Variants in NBAS observed in about 807,000 individuals in gnomAD.
NBAS encodes NBAS subunit of NRZ tethering complex, also known as NAG/BC035112 fusion.
A neutral mutation model predicts 302.5 loss-of-function variants in NBAS; 219 were observed. The observed-to-expected ratio is 0.72, with a 90% CI of 0.65 to 0.81. The LOEUF (loss-of-function observed/expected upper bound fraction) is 0.81, where lower values mean the gene tolerates loss of function less well. Ranked by LOEUF, NBAS falls within the 30% of genes least tolerant of loss-of-function variation. The probability of loss-of-function intolerance (pLI) is 0.00; values close to 1 mark genes in which losing one functional copy is unlikely to be tolerated. For missense variants in NBAS, 2,932 were observed against 2,841.6 expected (o/e 1.03, Z -0.72); for synonymous variants, 1,118 against 1,021.6 (o/e 1.09, Z -1.80).
At chr2:14,795,028 T>G in the NBAS span, among the ~76,000 whole-genome samples, 2 of 152,198 alleles carry the variant, frequency 1.3e-5, no homozygotes, top group Non-Finnish European at 2.9e-5. Context: ...TTGTTTCCAG[T>G]TTTTGGTTAT....
intron 6 of NBAS, among the ~76,000 whole-genome samples, chr2:15,545,418 CCTGA>C (rs926756523): frequency 5.9e-5 from 9 of 152,038 alleles, no homozygotes; most frequent in African/African-American, 1.7e-4. Context: ...AAAACTCTGG[CCTGA>C]CTGATTTAAG....
chr2:15,082,317 A>G, the NBAS span, among the ~76,000 whole-genome samples: 19 of 152,310 alleles, frequency 1.2e-4, no homozygotes, highest in African/African-American at 4.3e-4. Context: ...TGGAGTCACT[A>G]TAATGAGCTG....
chr2:15,188,295 T>TA (rs1460817423), intron 49 of NBAS, among the ~76,000 whole-genome samples: 1 of 152,244 alleles, frequency 6.6e-6, no homozygotes, highest in African/African-American at 2.4e-5. Context: ...ACAAATGTCT[T>TA]AAGTTGTAAC....
At chr2:15,242,044 A>G (rs1667888551) in intron 44 of NBAS, among the ~76,000 whole-genome samples, 1 of 152,178 alleles carries the variant, frequency 6.6e-6, no homozygotes, top group African/African-American at 2.4e-5. Flanking sequence ...GAGTCAATCT[A>G]GCCTCTACAA....
intron 48 of NBAS, among the ~76,000 whole-genome samples, chr2:15,202,219 A>T (rs1665908914): frequency 6.6e-6 from 1 of 152,224 alleles, no homozygotes; most frequent in Admixed American, 6.5e-5. Context: ...ACAGAATCCA[A>T]CAACTGCAAT....
At chr2:15,482,428 T>C (rs1205425278) in intron 12 of NBAS, among the ~76,000 whole-genome samples, 1 of 152,202 alleles carries the variant, frequency 6.6e-6, no homozygotes, top group Non-Finnish European at 1.5e-5. Context: ...AGAGCCTTCA[T>C]TTCTGAAGGT....
At chr2:15,485,400 A>C (rs1353080560) in intron 12 of NBAS, among the ~76,000 whole-genome samples, 2 of 152,228 alleles carry the variant, frequency 1.3e-5, no homozygotes, top group African/African-American at 4.8e-5. Context: ...TGTGGGAAAA[A>C]ATGTGTGTAG....
At chr2:15,464,959 C>A (rs777523373) in intron 19 of NBAS, among the ~76,000 whole-genome samples, 2 of 152,202 alleles carry the variant, frequency 1.3e-5, no homozygotes, top group Non-Finnish European at 2.9e-5. Context: ...GTCAGAGAGA[C>A]CTGATTATGA....
At chr2:15,476,886 T>A (rs146746351) in intron 13 of NBAS, among the ~76,000 whole-genome samples, 1 of 152,244 alleles carries the variant, frequency 6.6e-6, no homozygotes, top group African/African-American at 2.4e-5. Context: ...ACAACATATT[T>A]AAACATTAGA....
Position 15,449,497 on chromosome 2 carries a change from A to T in NBAS, c.2339+11704T>A, listed in dbSNP as rs116599997. 2.7e-4 allele frequency among the ~76,000 whole-genome samples: 41 copies of T among 152,326 alleles called. No individual in the cohort carries two copies. In the East Asian group the frequency reaches 6.7e-3, roughly 25 times the overall value. ...CTCCCCAGAGTACCAGATACATAAC[A>T]AATATCAATGTCAACATACTTCCAA... On this transcript the variant is annotated intron_variant, in intron 21 of 51. Coordinates refer to ENST00000281513, the MANE Select transcript of NBAS (RefSeq NM_015909.4).
At chr2:15,289,556 T>C (rs1170168359) in intron 41 of NBAS, among the ~76,000 whole-genome samples, 1 of 152,210 alleles carries the variant, frequency 6.6e-6, no homozygotes, top group African/African-American at 2.4e-5. Context: ...AGGACTGATA[T>C]CTTTATCTCT....
intron 32 of NBAS, among the ~76,000 whole-genome samples, chr2:15,366,378 C>A (rs1470407200): frequency 1.3e-5 from 2 of 152,094 alleles, no homozygotes; most frequent in Non-Finnish European, 1.5e-5. Flanking sequence ...CTAATCCTTG[C>A]CCAAAGATGT....
At chr2:15,286,465 C>G (rs1670048018) in intron 42 of NBAS, among the ~76,000 whole-genome samples, 1 of 152,194 alleles carries the variant, frequency 6.6e-6, no homozygotes, top group Non-Finnish European at 1.5e-5. Flanking sequence ...TGCTGTACAG[C>G]CTGGCTCCTA....
intron 45 of NBAS, 126 bp from the exon 46 acceptor site, chr2:15,234,873 G>T: frequency 7.4e-6 from 7 of 946,080 alleles, no homozygotes; most frequent in Non-Finnish European, 1.2e-5. Context: ...ATACCAAAGG[G>T]CATGTATTAG....
the NBAS span, among the ~76,000 whole-genome samples, chr2:14,867,069 C>T: frequency 6.6e-6 from 1 of 152,088 alleles, no homozygotes; most frequent in African/African-American, 2.4e-5. Context: ...GAAAAGCAAA[C>T]AGAATAAACT....
intron 50 of NBAS, chr2:15,179,988 C>T (rs1178895784): frequency 6.6e-6 from 1 of 152,160 alleles, no homozygotes; most frequent in Non-Finnish European, 1.5e-5. Flanking sequence ...GGACCAAAAA[C>T]CAGACGATGA....
intron 19 of NBAS, among the ~76,000 whole-genome samples, 186 bp downstream of exon 19, chr2:15,467,143 C>A (rs1408544009): frequency 6.6e-6 from 1 of 152,134 alleles, no homozygotes; most frequent in Non-Finnish European, 1.5e-5. Context: ...AACAAAACAA[C>A]TTCTGGCTTT....
At chr2:15,522,288 G>T (rs145594531) in intron 9 of NBAS, among the ~76,000 whole-genome samples, 2 of 152,262 alleles carry the variant, frequency 1.3e-5, no homozygotes, top group East Asian at 3.9e-4. Context: ...GGAGGAGGAG[G>T]CATACTAAAG....
chr2:14,811,348 T>C, the NBAS span, among the ~76,000 whole-genome samples: 1 of 152,252 alleles, frequency 6.6e-6, no homozygotes, highest in Admixed American at 6.5e-5. Context: ...AGTTCAAGGC[T>C]GCAGTAAGCT....
Sources: gnomAD v4.1 joint callset for allele counts (sites outside exome capture counted in the v4.1 genomes callset) on GRCh38, gnomAD v4.1.1 for gene constraint, MANE v1.5 for transcripts, NCBI Gene and HGNC (gene_info 2026-07-23, HGNC 2026-07-21) for gene names.